Variants in BTG4 observed in about 807,000 individuals in gnomAD.
BTG4 encodes protein BTG4.
Under a neutral mutation model 19.3 loss-of-function variants are expected in BTG4, and 10 were observed. The ratio of observed to expected loss-of-function variants is 0.52; its 90% CI spans 0.32 to 0.88. BTG4 has a LOEUF of 0.88. Ranked by LOEUF, BTG4 falls within the 40% of genes least tolerant of loss-of-function variation. The pLI is 0.04. For missense variants in BTG4, 238 were observed against 281.9 expected, an observed-to-expected ratio of 0.84 and a Z score of 1.11; for synonymous variants, 91 against 95.7, an observed-to-expected ratio of 0.95 and a Z score of 0.29.
chr11:111,411,226 C>T, the BTG4 span, among the ~76,000 whole-genome samples: 1 of 152,172 alleles, frequency 6.6e-6, no homozygotes, highest in African/African-American at 2.4e-5. Flanking sequence ...CTGGCATCCT[C>T]CTGCTCCTTT....
chr11:111,490,607 G>C (rs2135629759), downstream of BTG4, among the ~76,000 whole-genome samples: 2 of 152,234 alleles, frequency 1.3e-5, no homozygotes, highest in South Asian at 4.1e-4. Context: ...ATGGCCAGAA[G>C]ACTTACACAG....
chr11:111,483,009 T>C (rs1007211235), intron 5 of BTG4, among the ~76,000 whole-genome samples: 1 of 152,140 alleles, frequency 6.6e-6, no homozygotes, highest in Admixed American at 6.5e-5. Flanking sequence ...CTGAGCAAGA[T>C]GGCCTAATAG....
the BTG4 span, among the ~76,000 whole-genome samples, chr11:111,444,970 C>T: frequency 2.6e-5 from 4 of 152,082 alleles, no homozygotes; most frequent in African/African-American, 7.2e-5. Flanking sequence ...CTCTGTCAAA[C>T]GGGACAAATA....
chr11:111,439,716 T>A, the BTG4 span, among the ~76,000 whole-genome samples: 1 of 152,094 alleles, frequency 6.6e-6, no homozygotes, highest in Non-Finnish European at 1.5e-5. Context: ...TTTTCCTATT[T>A]ACTTCAGCAC....
chr11:111,416,576 T>C, the BTG4 span: 1 of 152,140 alleles, frequency 6.6e-6, no homozygotes, highest in South Asian at 2.1e-4. Flanking sequence ...TCTCACTCGT[T>C]ATTATTTCTT....
intron 5 of BTG4, among the ~76,000 whole-genome samples, chr11:111,468,208 T>A (rs541194886): frequency 1.4e-4 from 22 of 152,306 alleles, no homozygotes; most frequent in African/African-American, 5.1e-4. Context: ...CATATGGTAC[T>A]CTCCACACAT....
intron 1 of BTG4, among the ~76,000 whole-genome samples, chr11:111,506,992 T>C (rs1458188345): frequency 6.6e-6 from 1 of 151,970 alleles, no homozygotes; most frequent in Non-Finnish European, 1.5e-5. Flanking sequence ...ATCCTTGAGA[T>C]ATATTCTATG....
At chr11:111,472,371 A>G (rs1344643954) in intron 5 of BTG4, among the ~76,000 whole-genome samples, 1 of 152,176 alleles carries the variant, frequency 6.6e-6, no homozygotes, top group East Asian at 1.9e-4. Context: ...CTCACCCAGG[A>G]GGAATTTTTG....
the BTG4 span, among the ~76,000 whole-genome samples, chr11:111,409,994 C>T: frequency 7.2e-5 from 11 of 152,136 alleles, no homozygotes; most frequent in East Asian, 3.8e-4. Context: ...TTTAGGTGCA[C>T]GGAAATGATG....
At chr11:111,405,629 C>T in the BTG4 span, among the ~76,000 whole-genome samples, 3 of 151,944 alleles carry the variant, frequency 2.0e-5, no homozygotes, top group African/African-American at 7.3e-5. Flanking sequence ...GTTGCCACTG[C>T]CAGAGTTCAG....
downstream of BTG4, among the ~76,000 whole-genome samples, chr11:111,464,996 G>A (rs1257340820): frequency 6.6e-6 from 1 of 152,056 alleles, no homozygotes; most frequent in Non-Finnish European, 1.5e-5. Context: ...AGGAGCTAAT[G>A]TAAAGGTGTG....
the BTG4 span, among the ~76,000 whole-genome samples, chr11:111,405,683 T>C: frequency 6.6e-6 from 1 of 152,196 alleles, no homozygotes; most frequent in Non-Finnish European, 1.5e-5. Flanking sequence ...TTATAAAATG[T>C]ACATGCTCAC....
the BTG4 span, among the ~76,000 whole-genome samples, chr11:111,445,995 C>T: frequency 6.6e-6 from 1 of 152,146 alleles, no homozygotes; most frequent in Non-Finnish European, 1.5e-5. Flanking sequence ...AGATGGATTT[C>T]ACAGAAGGGA....
At chr11:111,409,364 A>T in the BTG4 span, among the ~76,000 whole-genome samples, 5 of 152,096 alleles carry the variant, frequency 3.3e-5, no homozygotes, top group Non-Finnish European at 7.4e-5. Context: ...TTGTGGTGGG[A>T]TGGCTTGGTG....
chr11:111,464,246 G>A (rs370688397), downstream of BTG4, among the ~76,000 whole-genome samples: 28 of 152,094 alleles, frequency 1.8e-4, no homozygotes, highest in Non-Finnish European at 8.8e-5. Context: ...TGATCAGCCC[G>A]CCTCAGCCTC....
At chr11:111,496,067 A>C (rs1944116) in intron 4 of BTG4, among the ~76,000 whole-genome samples, 48,810 of 152,076 alleles carry the variant, frequency 0.32, 7,997 homozygotes, top group Middle Eastern at 0.38. Context: ...AACCTACAAT[A>C]ATACATTAGA....
the BTG4 span, among the ~76,000 whole-genome samples, chr11:111,437,121 G>A: frequency 1.3e-5 from 2 of 151,978 alleles, no homozygotes; most frequent in Admixed American, 6.5e-5. Context: ...ACCTGCTGCA[G>A]CCCCCAGCAG....
chr11:111,485,506 C>G (rs112867687), intron 5 of BTG4, among the ~76,000 whole-genome samples: 8 of 152,098 alleles, frequency 5.3e-5, no homozygotes, highest in Non-Finnish European at 1.0e-4. Context: ...CCTAACCGAC[C>G]ATGAGGTCAA....
chr11:111,499,088 C>T (rs1865913756), intron 1 of BTG4, among the ~76,000 whole-genome samples: 1 of 152,004 alleles, frequency 6.6e-6, no homozygotes, highest in Admixed American at 6.5e-5. Context: ...ATCACTACAA[C>T]TTAAAAAAGA....
Sources: allele counts gnomAD v4.1 joint callset (sites outside exome capture counted in the v4.1 genomes callset), GRCh38; gene constraint gnomAD v4.1.1; transcripts MANE v1.5; gene names NCBI Gene and HGNC (gene_info 2026-07-23, HGNC 2026-07-21).